Variants in NOTCH2NLC observed in about 807,000 individuals in gnomAD.
NOTCH2NLC encodes the protein notch homolog 2 N-terminal-like protein C.
Under a neutral mutation model 17.7 loss-of-function variants are expected in NOTCH2NLC, and 4 were observed. That is an observed-to-expected ratio of 0.23 (90% confidence interval 0.11 to 0.52). The LOEUF is 0.52. NOTCH2NLC is among the 20% of genes least tolerant of loss of function. The pLI is 0.96. For missense variants in NOTCH2NLC, 57 were observed against 207.2 expected (o/e 0.28, Z 4.45); for synonymous variants, 18 against 86.0 (o/e 0.21, Z 4.38).
Position 149,440,056 on chromosome 1 carries a change from G to A in NOTCH2NLC, c.209+9041G>A, listed in dbSNP as rs1465596302. ...TTCTATCCAGTTTTTTTGCCTTCACGTAAATATGAGGAGAAAGGTAGGTGT... is the reference window on the plus strand; with the variant it reads ...TTCTATCCAGTTTTTTTGCCTTCACATAAATATGAGGAGAAAGGTAGGTGT... On this transcript the variant is annotated intron_variant, in intron 2 of 4. Transcript: ENST00000650865. Among the ~76,000 whole-genome samples, 86 of 149,018 alleles carry A rather than the reference G, an allele frequency of 5.8e-4. 3 individuals carry two copies. Among genetic ancestry groups the A allele is most frequent in the South Asian group, 1.7e-3 (8 of 4,704 alleles).
chr1:149,414,819 T>C lies in NOTCH2NLC; in HGVS notation c.136-16123T>C, dbSNP rs1429474444. ...TCTAAGATATTTGTTCTTTTGTTTG[T>C]AGCTTATCTTTTACTCCCCACGTTT... is the stretch of plus-strand genomic sequence containing the variant. On this transcript the variant is annotated intron_variant, in intron 1 of 4. Transcript: ENST00000650865. 7.4e-5 allele frequency among the ~76,000 whole-genome samples: 11 copies of C among 148,900 alleles called. 2 individuals are homozygous for C. Among genetic ancestry groups the C allele is most frequent in the Non-Finnish European group, 1.5e-5 (1 of 66,838 alleles).
At position 149,402,269 on chromosome 1, in the gene NOTCH2NLC, C is replaced by T. The variant is rs1174691842; in HGVS notation, c.135+11347C>T. Among the ~76,000 whole-genome samples the T allele has an allele frequency of 1.1e-4, 16 of 150,480 alleles. 2 individuals carry two copies. The highest frequency in any genetic ancestry group is 1.3e-4 in the Non-Finnish European group (9 of 67,240). ...TAATTTTTTGTAGTTTTAGTAGAGA[C>T]GGGGTTTCTCTATGTTGGGCAGGCT... On this transcript the variant is annotated intron_variant, in intron 1 of 4. Coordinates refer to ENST00000650865, the MANE Select transcript of NOTCH2NLC (RefSeq NM_001364013.2).
intron 1 of NOTCH2NLC, among the ~76,000 whole-genome samples, chr1:149,416,085 A>G (rs1264068301): frequency 2.2e-5 from 3 of 137,670 alleles, no homozygotes; most frequent in Non-Finnish European, 4.7e-5. Context: ...ACATGGAATA[A>G]GGTGGCATTT....
intron 1 of NOTCH2NLC, among the ~76,000 whole-genome samples, chr1:149,424,336 C>T (rs1326814493): frequency 2.0e-5 from 3 of 150,302 alleles, no homozygotes; most frequent in Non-Finnish European, 4.5e-5. Context: ...AGAGGGTATG[C>T]CAAGGGTATA....
intron 1 of NOTCH2NLC, among the ~76,000 whole-genome samples, chr1:149,396,659 C>A (rs1223212549): frequency 6.8e-6 from 1 of 147,432 alleles, no homozygotes; most frequent in Admixed American, 6.8e-5. Context: ...TTCATACCTC[C>A]CTGCACAGGT....
At chr1:149,414,280 T>C (rs2084317561) in intron 1 of NOTCH2NLC, among the ~76,000 whole-genome samples, 1 of 150,396 alleles carries the variant, frequency 6.6e-6, no homozygotes. Context: ...ATCCAGGCCA[T>C]CATTTTGTGG....
At chr1:149,460,440 G>A (rs1430055982) in intron 3 of NOTCH2NLC, among the ~76,000 whole-genome samples, 23 of 143,804 alleles carry the variant, frequency 1.6e-4, no homozygotes, top group South Asian at 6.8e-4. Context: ...CCGGGTTCAC[G>A]CCATTCTTCT....
rs1491230078 is a variant in NOTCH2NLC, at chr1:149,466,243, AAT to A, written c.*2093_*2094del. On this transcript the variant is annotated 3_prime_UTR_variant, in exon 5 of 5. Coordinates refer to ENST00000650865, the MANE Select transcript of NOTCH2NLC (RefSeq NM_001364013.2). The stretch of plus-strand genomic sequence containing the variant: ...AATCAAATAGTACTTGTTACATATC[AAT>A]ATGTGTGTGTGTGTGTGTGTGTGTG... 129 of 137,274 alleles carry A rather than the reference AAT, an allele frequency of 9.4e-4. No individual in the cohort carries two copies. The highest frequency in any genetic ancestry group is 3.2e-3 in the African/African-American group (114 of 35,942). The allele number at this position is 137,274 out of a possible 1,614,324, so 8.5% of individuals were successfully genotyped here. A position where few individuals can be genotyped will look rare whatever the true frequency, so the allele number is the denominator to read the frequency against.
intron 1 of NOTCH2NLC, among the ~76,000 whole-genome samples, chr1:149,395,791 T>C (rs2084202646): frequency 6.8e-6 from 1 of 147,938 alleles, no homozygotes; most frequent in Non-Finnish European, 1.5e-5. Context: ...TGAGAGAATA[T>C]GTACATTTAG....
chr1:149,419,849 A>ATTT (rs2084368890), intron 1 of NOTCH2NLC, among the ~76,000 whole-genome samples: 1 of 117,464 alleles, frequency 8.5e-6, no homozygotes, highest in African/African-American at 3.4e-5. Context: ...GAATATATAT[A>ATTT]TATATATTTT....
chr1:149,448,993 T>C (rs1214035267), intron 2 of NOTCH2NLC, among the ~76,000 whole-genome samples: 2 of 147,152 alleles, frequency 1.4e-5, no homozygotes. Context: ...GCCATTCTCC[T>C]GCCTCAGCCT....
intron 2 of NOTCH2NLC, among the ~76,000 whole-genome samples, chr1:149,448,623 G>A (rs1420815493): frequency 3.3e-5 from 5 of 150,948 alleles, no homozygotes; most frequent in South Asian, 2.1e-4. Context: ...GCGCTCTCAC[G>A]ATGCCTTCTC....
At chr1:149,392,983 T>C (rs1396639359) in intron 1 of NOTCH2NLC, among the ~76,000 whole-genome samples, 6 of 136,052 alleles carry the variant, frequency 4.4e-5, no homozygotes, top group African/African-American at 1.7e-4. Context: ...AGGCGGAGAA[T>C]GGCGTGAACC....
At position 149,445,897 on chromosome 1, in the gene NOTCH2NLC, GT is replaced by G. The variant is rs1334626546; in HGVS notation, c.210-9417del. ...TTTTTTTTTGAATGGCCAAATCCTCGTTTTAAAAAAAAAAAAAAAAAAAAAA... is the reference window on the plus strand; with the variant it reads ...TTTTTTTTTGAATGGCCAAATCCTCGTTTAAAAAAAAAAAAAAAAAAAAAA... On this transcript the variant is annotated intron_variant, in intron 2 of 4. Transcript: ENST00000650865. Among the ~76,000 whole-genome samples, 54 of 86,100 alleles carry G rather than the reference GT, an allele frequency of 6.3e-4. 2 individuals are homozygous for G. The highest frequency in any genetic ancestry group is 1.6e-3 in the African/African-American group (36 of 22,198). 56.5% of individuals were successfully genotyped at this position (86,100 alleles called of 152,430 possible).
At position 149,390,737 on chromosome 1, in the gene NOTCH2NLC, G is replaced by C. The variant is rs1268124495; in HGVS notation, c.-51G>C. 66 of 1,249,328 alleles carry C rather than the reference G, an allele frequency of 5.3e-5. 4 individuals carry two copies. The Middle Eastern group carries it at 9.1e-4, about 17-fold the overall frequency. 77.4% of individuals were successfully genotyped at this position (1,249,328 alleles called of 1,614,324 possible). A position where few individuals can be genotyped will look rare whatever the true frequency, so the allele number is the denominator to read the frequency against. ...TAGCGCCAGGGCCTGAGCCTTTGAA[G>C]CAGGAGGAGGGGAGGAGAGAGTGGG... On this transcript the variant is annotated 5_prime_UTR_variant, in exon 1 of 5. Transcript: ENST00000650865.
At chr1:149,462,793 A>C (rs1385227746) in intron 3 of NOTCH2NLC, among the ~76,000 whole-genome samples, 2 of 150,288 alleles carry the variant, frequency 1.3e-5, no homozygotes, top group Middle Eastern at 3.5e-3. Flanking sequence ...TAGAGTTGCC[A>C]AGATAGGGAG....
intron 1 of NOTCH2NLC, among the ~76,000 whole-genome samples, chr1:149,409,444 C>T (rs1353088795): frequency 1.3e-5 from 2 of 149,790 alleles, no homozygotes; most frequent in African/African-American, 4.9e-5. Flanking sequence ...GTCCAGAATG[C>T]TGCATAGATC....
chr1:149,461,923 A>G (rs1290723162), intron 3 of NOTCH2NLC, among the ~76,000 whole-genome samples: 1 of 140,710 alleles, frequency 7.1e-6, no homozygotes, highest in Non-Finnish European at 1.6e-5. Flanking sequence ...ATAGGTGGGA[A>G]TTGAACAATG....
intron 1 of NOTCH2NLC, among the ~76,000 whole-genome samples, chr1:149,412,928 A>C (rs1409316230): frequency 8.5e-6 from 1 of 117,776 alleles, no homozygotes; most frequent in Admixed American, 9.5e-5. Context: ...TTTTTGAGAC[A>C]GGGCCTCACT....
Sources: gnomAD v4.1 joint callset for allele counts (sites outside exome capture counted in the v4.1 genomes callset) on GRCh38, gnomAD v4.1.1 for gene constraint, MANE v1.5 for transcripts, NCBI Gene and HGNC (gene_info 2026-07-23, HGNC 2026-07-21) for gene names.